The following EBF1 variants were observed in gnomAD, a reference collection of about 807,000 sequenced individuals.
EBF1 encodes EBF transcription factor 1.
In EBF1, 10 loss-of-function variants were observed where a neutral mutation model predicts 68.4. The ratio of observed to expected loss-of-function variants is 0.15; its 90% confidence interval spans 0.09 to 0.25. The LOEUF (loss-of-function observed/expected upper bound fraction) is 0.25. EBF1 is among the 10% of genes least tolerant of loss of function. EBF1 has a pLI of 1.00. For missense variants in EBF1, 509 were observed against 794.4 expected (o/e 0.64, Z 4.32); for synonymous variants, 298 against 299.8 (o/e 0.99, Z 0.06).
chr5:158,783,196 G>A (rs1776756972), intron 9 of EBF1, among the ~76,000 whole-genome samples: 1 of 152,060 alleles, frequency 6.6e-6, no homozygotes, highest in South Asian at 2.1e-4. Flanking sequence ...TCCCAAACTT[G>A]CACTGGATCA....
At chr5:158,969,606 A>G (rs867360082) in intron 6 of EBF1, among the ~76,000 whole-genome samples, 2 of 150,850 alleles carry the variant, frequency 1.3e-5, no homozygotes, top group East Asian at 3.9e-4. Context: ...TCTACAAAAA[A>G]AAAAAAAAAA....
At chr5:158,858,491 T>A (rs1794432272) in intron 6 of EBF1, among the ~76,000 whole-genome samples, 1 of 152,154 alleles carries the variant, frequency 6.6e-6, no homozygotes, top group African/African-American at 2.4e-5. Flanking sequence ...ATTCTCCTCC[T>A]TTGAAGCAGC....
At chr5:158,741,985 G>C (rs1185208929) in intron 10 of EBF1, among the ~76,000 whole-genome samples, 1 of 152,134 alleles carries the variant, frequency 6.6e-6, no homozygotes, top group Non-Finnish European at 1.5e-5. Context: ...TGGAGGCTTG[G>C]AGAGTTCAGA....
intron 15 of EBF1, among the ~76,000 whole-genome samples, chr5:158,701,644 C>G (rs1756795495): frequency 1.3e-5 from 2 of 152,228 alleles, no homozygotes; most frequent in South Asian, 4.1e-4. Context: ...TCAGCTCCCA[C>G]CAAATGCCAC....
intron 6 of EBF1, among the ~76,000 whole-genome samples, chr5:158,932,931 G>A (rs538198889): frequency 2.0e-5 from 3 of 152,236 alleles, no homozygotes; most frequent in East Asian, 3.9e-4. Flanking sequence ...AGATCCTCAT[G>A]GGTAGATATT....
At chr5:158,851,686 G>A (rs992080520) in intron 6 of EBF1, among the ~76,000 whole-genome samples, 1 of 111,104 alleles carries the variant, frequency 9.0e-6, no homozygotes, top group African/African-American at 3.4e-5. Context: ...AAGTAGGGAG[G>A]AGAAGTAAAG....
intron 6 of EBF1, among the ~76,000 whole-genome samples, chr5:158,920,709 G>A (rs1808230196): frequency 6.6e-6 from 1 of 152,120 alleles, no homozygotes; most frequent in African/African-American, 2.4e-5. Flanking sequence ...CTCCCAAGTA[G>A]CTGGGATTAT....
chr5:159,007,496 A>G (rs1001993143), intron 6 of EBF1, among the ~76,000 whole-genome samples: 2 of 152,254 alleles, frequency 1.3e-5, no homozygotes, highest in African/African-American at 4.8e-5. Context: ...CTCTAGAACA[A>G]CATAGCTTTG....
At chr5:159,077,533 A>C (rs777997421) in intron 5 of EBF1, among the ~76,000 whole-genome samples, 1 of 152,034 alleles carries the variant, frequency 6.6e-6, no homozygotes, top group Non-Finnish European at 1.5e-5. Flanking sequence ...TTTTATATTC[A>C]TTTGTCTTTT....
chr5:159,042,675 C>T (rs1771461684), intron 6 of EBF1, among the ~76,000 whole-genome samples: 1 of 151,768 alleles, frequency 6.6e-6, no homozygotes, highest in South Asian at 2.1e-4. Flanking sequence ...AAATAATTAC[C>T]TCCTTTTTCA....
intron 7 of EBF1, among the ~76,000 whole-genome samples, chr5:158,825,262 T>C (rs981041456): frequency 1.3e-5 from 2 of 152,218 alleles, no homozygotes; most frequent in Non-Finnish European, 2.9e-5. Flanking sequence ...AAGTCAATAT[T>C]ATTTAAGGCA....
intron 9 of EBF1, among the ~76,000 whole-genome samples, chr5:158,785,070 C>T (rs1777160389): frequency 6.6e-6 from 1 of 152,136 alleles, no homozygotes; most frequent in Non-Finnish European, 1.5e-5. Flanking sequence ...TCTCCCTTCT[C>T]CTCAGTTAGG....
chr5:159,061,873 A>G (rs1775912424), intron 6 of EBF1, among the ~76,000 whole-genome samples: 1 of 152,212 alleles, frequency 6.6e-6, no homozygotes, highest in Non-Finnish European at 1.5e-5. Context: ...AGTGTATCAG[A>G]CATTCAGAGA....
intron 6 of EBF1, among the ~76,000 whole-genome samples, chr5:159,002,581 T>C (rs897014015): frequency 3.3e-5 from 5 of 152,236 alleles, no homozygotes; most frequent in African/African-American, 1.2e-4. Context: ...TAAAAATCCA[T>C]AGGGCATTCA....
chr5:159,011,690 T>C (rs951751507), intron 6 of EBF1, among the ~76,000 whole-genome samples: 1 of 152,342 alleles, frequency 6.6e-6, no homozygotes, highest in East Asian at 1.9e-4. Flanking sequence ...CCCCCCCTTC[T>C]CTGACTGCTG....
At chr5:158,980,665 G>T (rs562089622) in intron 6 of EBF1, among the ~76,000 whole-genome samples, 15 of 152,310 alleles carry the variant, frequency 9.8e-5, no homozygotes, top group African/African-American at 3.1e-4. Context: ...AGAATGGAGA[G>T]AAAATATCTC....
rs545071022 is a variant in EBF1 at position 158,909,086 on chromosome 5, G to A, written c.555-68976C>T. On this transcript the variant is annotated intron_variant, in intron 6 of 15. Coordinates refer to ENST00000313708, the MANE Select transcript of EBF1 (RefSeq NM_024007.5). ...CAGCAGGGAAAAACATTAATATAACGGCACATGGGAAAATGAAACTCATGG... is the reference window on the plus strand; with the variant it reads ...CAGCAGGGAAAAACATTAATATAACAGCACATGGGAAAATGAAACTCATGG... Among the ~76,000 whole-genome samples, 11 of 151,072 alleles carry A rather than the reference G, an allele frequency of 7.3e-5. No individual in the cohort carries two copies. The South Asian group carries it at 1.1e-3, about 15-fold the overall frequency.
At chr5:159,053,383 A>G (rs777408936) in intron 6 of EBF1, among the ~76,000 whole-genome samples, 1 of 152,212 alleles carries the variant, frequency 6.6e-6, no homozygotes, top group African/African-American at 2.4e-5. Flanking sequence ...ACAATAACAC[A>G]TAGAACATGC....
chr5:158,842,676 G>A (rs1790569536), intron 6 of EBF1, among the ~76,000 whole-genome samples: 1 of 152,206 alleles, frequency 6.6e-6, no homozygotes, highest in Admixed American at 6.5e-5. Context: ...ACAGATACAT[G>A]GTAGGTATGC....
Sources: allele counts gnomAD v4.1 joint callset (sites outside exome capture counted in the v4.1 genomes callset), GRCh38; gene constraint gnomAD v4.1.1; transcripts MANE v1.5; gene names NCBI Gene and HGNC (gene_info 2026-07-23, HGNC 2026-07-21).